The following PSMD6 variants were observed in gnomAD, a reference collection of about 807,000 sequenced individuals.
The protein encoded by PSMD6 is 26S proteasome non-ATPase regulatory subunit 6.
Under a neutral mutation model 44.9 loss-of-function variants are expected in PSMD6, and 7 were observed. That is an observed-to-expected ratio of 0.16 (90% confidence interval 0.09 to 0.29). PSMD6 has a LOEUF of 0.29. PSMD6 is among the 10% of genes least tolerant of loss of function. The pLI is 1.00. For missense variants in PSMD6, 420 were observed against 482.6 expected, an observed-to-expected ratio of 0.87 and a Z score of 1.21; for synonymous variants, 184 against 172.7, an observed-to-expected ratio of 1.07 and a Z score of -0.51.
At chr3:64,021,305 G>A (rs2076126705) in intron 2 of PSMD6, among the ~76,000 whole-genome samples, 1 of 152,114 alleles carries the variant, frequency 6.6e-6, no homozygotes, top group African/African-American at 2.4e-5. Flanking sequence ...TAACCAGGAT[G>A]AGCCAGATTT....
chr3:64,022,630 C>G (rs1303710051), intron 1 of PSMD6, 107 bp from the exon 2 acceptor site: 1 of 1,571,362 alleles, frequency 6.4e-7, no homozygotes, highest in African/African-American at 1.4e-5. Context: ...CCACCAGTCT[C>G]TTCCCCACTA....
rs748335738 is a variant in PSMD6 at position 64,023,368 on chromosome 3, G to A, written c.52C>T (p.Arg18Cys). ...AGCAGGAAGCGCAGCTGCGCGATAC[G>A]CAAGTCGGGGTTCTTGGGCAGACCC... is the stretch of plus-strand genomic sequence containing the variant. ...EEGLPKNPDL[R>C]IAQLRFLLSL... Residue 18 changes from arginine to cysteine, a missense_variant, in exon 1 of 8, where the codon CGT becomes TGT. This residue lies in a region of PSMD6 where 136 missense variants were observed against 124.2 expected (regional missense o/e 1.09). Coordinates refer to ENST00000295901, the MANE Select transcript of PSMD6 (RefSeq NM_014814.3). 6.2e-7 allele frequency: 1 copy of A among 1,612,336 alleles called. No individual in the cohort carries two copies. Among genetic ancestry groups the A allele is most frequent in the Non-Finnish European group, 8.5e-7 (1 of 1,179,108 alleles).
intron 6 of PSMD6, 23 bp from the exon 7 acceptor site, chr3:64,010,978 C>G: frequency 1.3e-6 from 2 of 1,542,922 alleles, no homozygotes. Flanking sequence ...CAAAAAATAA[C>G]AGAATTAGCT....
intron 5 of PSMD6, chr3:64,014,253 T>C (rs2076009545): frequency 6.6e-6 from 1 of 152,096 alleles, no homozygotes; most frequent in African/African-American, 2.4e-5. Context: ...CACACAAATA[T>C]AAATTATTTT....
At chr3:64,015,361 T>TG (rs2076026802) in intron 5 of PSMD6, 1 of 152,216 alleles carries the variant, frequency 6.6e-6, no homozygotes, top group Non-Finnish European at 1.5e-5. Flanking sequence ...GATAAATTGT[T>TG]GGAGTGTTCA....
chr3:64,016,133 G>GC (rs2076040143), intron 5 of PSMD6: 1 of 152,102 alleles, frequency 6.6e-6, no homozygotes, highest in African/African-American at 2.4e-5. Flanking sequence ...CTTGCAATGA[G>GC]CCAAGGTCAT....
upstream of PSMD6, chr3:64,023,696 C>A: frequency 1.4e-6 from 2 of 1,473,346 alleles, no homozygotes; most frequent in South Asian, 2.7e-5. Flanking sequence ...TTTCTTGAAT[C>A]TCTTTCTCAC....
chr3:64,020,574 A>C (rs1276310891), intron 2 of PSMD6, among the ~76,000 whole-genome samples: 1 of 152,216 alleles, frequency 6.6e-6, no homozygotes, highest in Non-Finnish European at 1.5e-5. Context: ...AGATAATTCT[A>C]AACTTTTCTG....
Position 64,023,463 on chromosome 3 carries a change from G to T in PSMD6, c.-44C>A. Reference sequence around the variant, plus strand: ...GGCTGACAGGACACAACTTGGTTACGACCGGCTGCGGCAGCGGAAGCGGGA... The same window carrying T: ...GGCTGACAGGACACAACTTGGTTACTACCGGCTGCGGCAGCGGAAGCGGGA... On this transcript the variant is annotated 5_prime_UTR_variant, in exon 1 of 8. Transcript: ENST00000295901. 1 of 1,519,834 alleles carries T rather than the reference G, an allele frequency of 6.6e-7. No individual in the cohort carries two copies. Among genetic ancestry groups the T allele is most frequent in the Non-Finnish European group, 8.9e-7 (1 of 1,126,290 alleles). 94.1% of individuals were successfully genotyped at this position (1,519,834 alleles called of 1,614,324 possible). A position where few individuals can be genotyped will look rare whatever the true frequency, so the allele number is the denominator to read the frequency against.
intron 5 of PSMD6, chr3:64,016,683 TAGTA>T (rs1455282189): frequency 3.9e-5 from 6 of 152,168 alleles, no homozygotes; most frequent in South Asian, 2.1e-4. Flanking sequence ...AGACAGAAAA[TAGTA>T]AGTACTGGAT....
At chr3:64,022,842 T>C (rs1265603032) in intron 1 of PSMD6, 4 of 1,533,402 alleles carry the variant, frequency 2.6e-6, no homozygotes, top group African/African-American at 1.4e-5. Flanking sequence ...CATACTCACA[T>C]ACATATGTTC....
intron 1 of PSMD6, 132 bp downstream of exon 1, chr3:64,023,143 G>C (rs2076160126): frequency 2.1e-6 from 3 of 1,424,058 alleles, no homozygotes; most frequent in Middle Eastern, 2.6e-4. Flanking sequence ...CTAAGGGCCG[G>C]AGAAGCCAGG....
In PSMD6 at chr3:64,010,647, T is replaced by A; in HGVS notation, c.*21A>T. The A allele has an allele frequency of 6.6e-7, 1 of 1,522,922 alleles. No individual in the cohort carries two copies. The highest frequency in any genetic ancestry group is 9.0e-7 in the Non-Finnish European group (1 of 1,107,252). The allele number at this position is 1,522,922 out of a possible 1,614,324, so 94.3% of individuals were successfully genotyped here. On this transcript the variant is annotated 3_prime_UTR_variant, in exon 8 of 8. Coordinates refer to ENST00000295901, the MANE Select transcript of PSMD6 (RefSeq NM_014814.3). The stretch of plus-strand genomic sequence containing the variant: ...TCCAAATAATTATCTCTAAAGCAAA[T>A]CCTTTGTTAGTTACATGGCTTTACA...
At chr3:64,023,509 G>A (rs2076168821), upstream of PSMD6, 3 of 1,433,504 alleles carry the variant, frequency 2.1e-6, no homozygotes, top group Admixed American at 2.8e-5. Flanking sequence ...AATACGCCCG[G>A]CCGCCTGCGG....
At chr3:64,022,107 T>A (rs775278692) in intron 2 of PSMD6, among the ~76,000 whole-genome samples, 1 of 152,238 alleles carries the variant, frequency 6.6e-6, no homozygotes, top group Non-Finnish European at 1.5e-5. Context: ...TGGGGAAGAA[T>A]ACAGCCCTAG....
chr3:64,023,843 A>C, upstream of PSMD6: 1 of 1,464,772 alleles, frequency 6.8e-7, no homozygotes, highest in East Asian at 2.5e-5. Flanking sequence ...CATCTTATTA[A>C]AATCATCTTC....
At chr3:64,012,087 T>C (rs935238888) in intron 6 of PSMD6, 2 of 152,118 alleles carry the variant, frequency 1.3e-5, no homozygotes, top group African/African-American at 4.8e-5. Flanking sequence ...AAAAAATGTG[T>C]TGGTGTCTGA....
intron 2 of PSMD6, among the ~76,000 whole-genome samples, chr3:64,020,864 A>G (rs1419774669): frequency 3.3e-5 from 5 of 152,182 alleles, no homozygotes; most frequent in African/African-American, 1.2e-4. Flanking sequence ...TTTATTTTTT[A>G]TATTGGCACC....
intron 5 of PSMD6, chr3:64,017,629 A>G (rs892311534): frequency 1.3e-5 from 2 of 152,248 alleles, no homozygotes; most frequent in African/African-American, 4.8e-5. Flanking sequence ...GTTACTCATC[A>G]TGCTCGGGAA....
Sources: gnomAD v4.1 joint callset for allele counts (sites outside exome capture counted in the v4.1 genomes callset) on GRCh38, gnomAD v4.1.1 for gene constraint, gnomAD v4.1.1 regional missense constraint, MANE v1.5 for transcripts, NCBI Gene and HGNC (gene_info 2026-07-23, HGNC 2026-07-21) for gene names.